STRIP2: variants seen among roughly 807,000 people sequenced by gnomAD.
STRIP2 encodes the protein striatin interacting protein 2, also known as striatin-interacting protein 2.
STRIP2 carries 84 observed loss-of-function variants against 107.1 expected under a neutral mutation model. That is an observed-to-expected ratio of 0.78 (90% confidence interval 0.66 to 0.94). STRIP2 has a LOEUF of 0.94. STRIP2 is among the 40% of genes least tolerant of loss of function. STRIP2 has a pLI of 0.00. For missense variants in STRIP2, 888 were observed against 1,034.2 expected, an observed-to-expected ratio of 0.86 and a Z score of 1.94; for synonymous variants, 394 against 400.4, an observed-to-expected ratio of 0.98 and a Z score of 0.19.
At chr7:129,456,722 G>A in intron 9 of STRIP2, 80 bp downstream of exon 9, 1 of 1,352,306 alleles carries the variant, frequency 7.4e-7, no homozygotes. Flanking sequence ...GGTGTGGTAG[G>A]AAAAAGCAGT....
chr7:129,462,123 A>G (rs903593745), intron 13 of STRIP2, among the ~76,000 whole-genome samples: 4 of 152,194 alleles, frequency 2.6e-5, no homozygotes, highest in African/African-American at 9.6e-5. Flanking sequence ...ATGGTGGGCA[A>G]AGGAGTTGGT....
intron 20 of STRIP2, 88 bp from the exon 21 acceptor site, chr7:129,485,491 A>G: frequency 6.9e-7 from 1 of 1,444,154 alleles, no homozygotes; most frequent in Non-Finnish European, 9.3e-7. Context: ...GAGCAGTTCC[A>G]TTTTTGGAAT....
In STRIP2 at chr7:129,482,903, T is replaced by C. The variant is rs1284598788; in HGVS notation, c.2111T>C (p.Met704Thr). The C allele has an allele frequency of 2.5e-6, 4 of 1,614,016 alleles. No individual in the cohort carries two copies. The highest frequency in any genetic ancestry group is 1.1e-5 in the South Asian group (1 of 91,084). The change falls in exon 20 of 21, where the codon ATG becomes ACG. Residue 704 changes from methionine to threonine, a missense_variant. Coordinates refer to ENST00000249344, the MANE Select transcript of STRIP2 (RefSeq NM_020704.3). ...LKRALKVKQA[M>T]LQLYVLKLLK... ...CGGGCCCTCAAGGTCAAACAGGCCA[T>C]GCTGCAACTTTATGTCCTAAAGCTA... is the stretch of plus-strand genomic sequence containing the variant.
chr7:129,442,076 T>C (rs1429115587), intron 2 of STRIP2, among the ~76,000 whole-genome samples: 1 of 152,108 alleles, frequency 6.6e-6, no homozygotes, highest in Non-Finnish European at 1.5e-5. Flanking sequence ...AATACAAAAA[T>C]TAGCTGGGCA....
chr7:129,450,901 C>G (rs1055226932), intron 3 of STRIP2, among the ~76,000 whole-genome samples: 1 of 136,070 alleles, frequency 7.3e-6, no homozygotes, highest in African/African-American at 2.8e-5. Flanking sequence ...TTGGCCACAG[C>G]ATTAGTGAGA....
rs753946518 is a variant in STRIP2, at chr7:129,464,067, G to T, written c.1575G>T (p.Leu525=). Reference sequence around the variant, plus strand: ...AGATCGCTCTGCTTAAGATTCTGCTGGCTGCAGCTCCCACCTCTAAGGCTA... The same window carrying T: ...AGATCGCTCTGCTTAAGATTCTGCTTGCTGCAGCTCCCACCTCTAAGGCTA... The part of the protein sequence containing the change: ...QYMIALLKIL[L]AAAPTSKAKT... Residue 525 remains leucine (L), a synonymous_variant, in exon 15 of 21, where the codon CTG becomes CTT. Coordinates refer to ENST00000249344, the MANE Select transcript of STRIP2 (RefSeq NM_020704.3). 1.2e-6 allele frequency: 2 copies of T among 1,613,520 alleles called. No individual in the cohort carries two copies. The highest frequency in any genetic ancestry group is 1.7e-6 in the Non-Finnish European group (2 of 1,179,970).
At chr7:129,477,308 A>G (rs1798996739) in intron 18 of STRIP2, among the ~76,000 whole-genome samples, 1 of 151,826 alleles carries the variant, frequency 6.6e-6, no homozygotes, top group African/African-American at 2.4e-5. Flanking sequence ...AAAACTATGC[A>G]TTTATCAGTA....
At chr7:129,447,661 A>T (rs1798073702) in intron 3 of STRIP2, among the ~76,000 whole-genome samples, 1 of 152,264 alleles carries the variant, frequency 6.6e-6, no homozygotes, top group Non-Finnish European at 1.5e-5. Context: ...TGTCCCAGCC[A>T]GCTGCAGGCA....
chr7:129,452,675 C>T (rs963425016), intron 4 of STRIP2, among the ~76,000 whole-genome samples: 3 of 152,248 alleles, frequency 2.0e-5, no homozygotes, highest in Non-Finnish European at 2.9e-5. Flanking sequence ...GCATGTGCCA[C>T]CATGCTCAGC....
Position 129,463,046 on chromosome 7 carries a change from G to A in STRIP2, c.1551+6G>A. 6.2e-7 allele frequency: 1 copy of A among 1,610,894 alleles called. No individual in the cohort carries two copies. On this transcript the variant is annotated splice_donor_region_variant and intron_variant, in intron 14 of 20. Coordinates refer to ENST00000249344, the MANE Select transcript of STRIP2 (RefSeq NM_020704.3). The stretch of plus-strand genomic sequence containing the variant: ...ACAGCCTTCCGCAGTATATGGTAAG[G>A]AGATGGCTAGGCCAGAGCTGCCCTT...
chr7:129,460,545 TAAA>T, intron 13 of STRIP2, 173 bp downstream of exon 13: 1 of 630,332 alleles, frequency 1.6e-6, no homozygotes, highest in Non-Finnish European at 2.8e-6. Flanking sequence ...AGATAAAAAA[TAAA>T]AAGTTAAGTA....
chr7:129,440,175 T>A, intron 2 of STRIP2, 84 bp downstream of exon 2: 1 of 1,197,232 alleles, frequency 8.4e-7, no homozygotes, highest in Non-Finnish European at 1.2e-6. Context: ...GAAGCTTGTC[T>A]GTTCTCACCA....
chr7:129,475,568 C>CTTTTTT (rs1193913684), intron 18 of STRIP2, among the ~76,000 whole-genome samples: 1 of 99,298 alleles, frequency 1.0e-5, no homozygotes, highest in Non-Finnish European at 2.0e-5. Context: ...TTTTTTTTTT[C>CTTTTTT]TTTTTATTTT....
In STRIP2 at chr7:129,455,356, C is replaced by G. The variant is rs1157413066; in HGVS notation, c.819C>G (p.Leu273=). ...HFPIKKVLLL[L]WKVVMFTLGG... is the part of the protein sequence containing the mutation. ...CCATAAAGAAGGTCCTGCTCCTGCT[C>G]TGGAAGGTGGTCATGGTGAGTAATT... is the stretch of plus-strand genomic sequence containing the variant. The change falls in exon 8 of 21, where the codon CTC becomes CTG. Residue 273 remains leucine (L), a synonymous_variant. Transcript: ENST00000249344. 6.2e-7 allele frequency: 1 copy of G among 1,613,320 alleles called. No homozygotes were observed. The highest frequency in any genetic ancestry group is 1.3e-5 in the African/African-American group (1 of 74,966).
chr7:129,455,266 G>A lies in STRIP2; in HGVS notation c.729G>A (p.Glu243=). The A allele has an allele frequency of 6.2e-7, 1 of 1,613,638 alleles. No homozygotes were observed. Among genetic ancestry groups the A allele is most frequent in the Non-Finnish European group, 8.5e-7 (1 of 1,179,796 alleles). ...TAGGCTTCTCCATGCATAATGAGGA[G>A]CCTTTTGCCCTTTTACTCTTCTCCA... is the stretch of plus-strand genomic sequence containing the variant. ...TELSFSMHNE[E]PFALLLFSMV... is the part of the protein sequence containing the mutation. Residue 243 remains glutamate (E), a synonymous_variant, in exon 8 of 21, where the codon GAG becomes GAA. Coordinates refer to ENST00000249344, the MANE Select transcript of STRIP2 (RefSeq NM_020704.3).
intron 14 of STRIP2, 85 bp downstream of exon 14, chr7:129,463,125 A>T (rs896568433): frequency 8.9e-7 from 1 of 1,126,694 alleles, no homozygotes; most frequent in Non-Finnish European, 1.3e-6. Context: ...CCTGTCCAAC[A>T]CTTGAGCTTG....
In STRIP2 at chr7:129,454,401, T is replaced by C; in HGVS notation, c.600-20T>C. 3 of 1,597,996 alleles carry C rather than the reference T, an allele frequency of 1.9e-6. No individual in the cohort carries two copies. The highest frequency in any genetic ancestry group is 2.6e-6 in the Non-Finnish European group (3 of 1,165,536). On this transcript the variant is annotated intron_variant, in intron 6 of 20. Transcript: ENST00000249344. ...TGGGAATTGCCTTGGGAACCTCTTG[T>C]GACTCTTCTGTAACCCCAGGGTGCT...
intron 18 of STRIP2, 77 bp downstream of exon 18, chr7:129,470,792 C>A: frequency 8.2e-7 from 1 of 1,224,590 alleles, no homozygotes; most frequent in Non-Finnish European, 1.2e-6. Flanking sequence ...ATTTCTTCTC[C>A]AACCCCTTAA....
intron 13 of STRIP2, 25 bp from the exon 14 acceptor site, chr7:129,462,941 C>T (rs757578527): frequency 6.2e-7 from 1 of 1,608,144 alleles, no homozygotes; most frequent in Admixed American, 1.7e-5. Flanking sequence ...AGTGGCATTG[C>T]CAAACCATGT....
Sources: allele counts gnomAD v4.1 joint callset (sites outside exome capture counted in the v4.1 genomes callset), GRCh38; gene constraint gnomAD v4.1.1; transcripts MANE v1.5; gene names NCBI Gene and HGNC (gene_info 2026-07-23, HGNC 2026-07-21).